MYO15A: variants seen among roughly 807,000 people sequenced by gnomAD.
MYO15A encodes myosin XVA.
In MYO15A, 308 loss-of-function variants were observed where a neutral mutation model predicts 394.6. The observed-to-expected ratio is 0.78, with a 90% CI of 0.71 to 0.86. The LOEUF (loss-of-function observed/expected upper bound fraction) is 0.86, where lower values mean the gene tolerates loss of function less well. Ranked by LOEUF, MYO15A falls within the 40% of genes least tolerant of loss-of-function variation. MYO15A has a pLI of 0.00. For synonymous variants in MYO15A, 1,957 were observed against 2,003.8 expected (o/e 0.98, Z 0.62); for missense variants, 4,606 against 4,799.1 (o/e 0.96, Z 1.19).
At chr17:18,116,361 C>T (rs994938894) in intron 1 of MYO15A, among the ~76,000 whole-genome samples, 1 of 152,244 alleles carries the variant, frequency 6.6e-6, no homozygotes, top group East Asian at 1.9e-4. Context: ...AGGAGCTCAG[C>T]GGGCAGGAGG....
At position 18,118,056 on chromosome 17, in the gene MYO15A, GC is replaced by G. The variant is rs1046254377; in HGVS notation, c.-219-521del. On this transcript the variant is annotated intron_variant, in intron 1 of 65. Coordinates refer to ENST00000647165, the MANE Select transcript of MYO15A (RefSeq NM_016239.4). ...CCTCCATTTCTGCCTCTCTACCCCTGCCCCCGCCCCAACACACACACACACA... is the reference window on the plus strand; with the variant it reads ...CCTCCATTTCTGCCTCTCTACCCCTGCCCCGCCCCAACACACACACACACA... 9.8e-4 allele frequency among the ~76,000 whole-genome samples: 149 copies of G among 151,908 alleles called. 1 individual carries two copies. Among genetic ancestry groups the G allele is most frequent in the African/African-American group, 3.3e-3 (137 of 41,390 alleles).
At position 18,131,450 on chromosome 17, in the gene MYO15A, C is replaced by G; in HGVS notation, c.4143-18C>G. 1.2e-6 allele frequency: 2 copies of G among 1,613,870 alleles called. No homozygotes were observed. The highest frequency in any genetic ancestry group is 1.7e-6 in the Non-Finnish European group (2 of 1,179,930). ...CCCTCCTACCCTCACTGAGAGCTGA[C>G]TGTGCTCCCCACCCCAGGGGCGTGA... is the stretch of plus-strand genomic sequence containing the variant. On this transcript the variant is annotated intron_variant, in intron 9 of 65. Transcript: ENST00000647165.
In MYO15A at chr17:18,120,794, TGCCCCCGCGGCCCCCAAGCTCCGG is replaced by T; in HGVS notation, c.2003_2026del (p.Arg668_Pro675del). 7.5e-7 allele frequency: 1 copy of T among 1,327,938 alleles called. No individual in the cohort carries two copies. Among genetic ancestry groups the T allele is most frequent in the Non-Finnish European group, 9.6e-7 (1 of 1,043,640 alleles). The allele number at this position is 1,327,938 out of a possible 1,614,324, so 82.3% of individuals were successfully genotyped here. A position where few individuals can be genotyped will look rare whatever the true frequency, so the allele number is the denominator to read the frequency against. ...TGGAGCGCGCTCCTGTCTCCGCCCG[TGCCCCCGCGGCCCCCAAGCTCCGG>T]GCCCCCGCCCGCGCCGCCGCTCTCC... On this transcript the variant is annotated inframe_deletion, in exon 2 of 66. Transcript: ENST00000647165.
At position 18,151,891 on chromosome 17, in the gene MYO15A, G is replaced by A. The variant is rs727504816; in HGVS notation, c.7833G>A (p.Glu2611=). 5.1e-6 allele frequency: 8 copies of A among 1,577,746 alleles called. No individual in the cohort carries two copies. Among genetic ancestry groups the A allele is most frequent in the Non-Finnish European group, 6.9e-6 (8 of 1,161,860 alleles). ...TCATGAAGCGGCCAGACCCTCATGA[G>A]GAGGCCCTGATGATCCTGAAAGGGC... ...KVFMKRPDPH[E]EALMILKGQM... Residue 2611 remains glutamate, a synonymous_variant, in exon 41 of 66, where the codon GAG becomes GAA. Coordinates refer to ENST00000647165, the MANE Select transcript of MYO15A (RefSeq NM_016239.4).
At position 18,145,947 on chromosome 17, in the gene MYO15A, G is replaced by T; in HGVS notation, c.6349G>T (p.Gly2117Trp). 1 of 1,613,798 alleles carries T rather than the reference G, an allele frequency of 6.2e-7. No individual in the cohort carries two copies. The highest frequency in any genetic ancestry group is 1.1e-5 in the South Asian group (1 of 91,082). Residue 2117 changes from glycine (G) to tryptophan (W), a missense_variant, in exon 30 of 66, where the codon GGG (glycine) becomes TGG (tryptophan). This residue lies in a region of MYO15A where 2,776 missense variants were observed against 3,109.3 expected (regional missense o/e 0.89). Transcript: ENST00000647165. Reference protein sequence around the residue: ...NIFGNYIVQKGLAVPELRDEI... With the variant: ...NIFGNYIVQKWLAVPELRDEI... ...CTTCGGGAACTACATCGTGCAGAAG[G>T]GGCTGGCGGTGCCTGAGCTGCGGGA...
Position 18,122,062 on chromosome 17 carries a change from G to T in MYO15A, c.3262G>T (p.Ala1088Ser). The T allele has an allele frequency of 6.2e-7, 1 of 1,612,866 alleles. No homozygotes were observed. The highest frequency in any genetic ancestry group is 8.5e-7 in the Non-Finnish European group (1 of 1,179,984). ...CCGCTGGGGAACACTGCCCCAAGCC[G>T]CAGCCCCCTTGGCGCCCATCAGGGC... is the stretch of plus-strand genomic sequence containing the variant. ...WHRWGTLPQA[A>S]APLAPIRAPE... The change falls in exon 2 of 66, where the codon GCA (alanine) becomes TCA (serine). Residue 1088 changes from alanine to serine, a missense_variant. Ala to Ser is a moderately conservative substitution (Grantham distance 99, BLOSUM62 1). Coordinates refer to ENST00000647165, the MANE Select transcript of MYO15A (RefSeq NM_016239.4).
chr17:18,167,304 A>C (rs1161759836), intron 61 of MYO15A, among the ~76,000 whole-genome samples: 1 of 152,142 alleles, frequency 6.6e-6, no homozygotes, highest in East Asian at 1.9e-4. Flanking sequence ...GGCCTGATAG[A>C]TACATGTCCA....
chr17:18,157,977 G>C, intron 51 of MYO15A, 77 bp downstream of exon 51: 1 of 1,434,642 alleles, frequency 7.0e-7, no homozygotes, highest in South Asian at 1.5e-5. Context: ...AGGCGAGTGG[G>C]GATAAGGTGG....
chr17:18,126,534 C>T, intron 5 of MYO15A, 78 bp downstream of exon 5: 1 of 1,383,108 alleles, frequency 7.2e-7, no homozygotes, highest in Non-Finnish European at 1.0e-6. Context: ...ATCCCGGCTG[C>T]ACCTGAGCCA....
intron 48 of MYO15A, 119 bp downstream of exon 48, chr17:18,156,455 A>T: frequency 8.5e-7 from 1 of 1,183,238 alleles, no homozygotes; most frequent in Non-Finnish European, 1.2e-6. Context: ...AGGCCTTTGC[A>T]CTGGCTGTGC....
At chr17:18,151,770 A>G in intron 40 of MYO15A, 76 bp from the exon 41 acceptor site, 2 of 1,395,458 alleles carry the variant, frequency 1.4e-6, no homozygotes, top group Non-Finnish European at 2.0e-6. Flanking sequence ...AGGAGGAGGA[A>G]GTTTCCTACT....
In MYO15A at chr17:18,159,270, C is replaced by G. The variant is rs751932754; in HGVS notation, c.9157-5C>G. On this transcript the variant is annotated splice_region_variant and splice_polypyrimidine_tract_variant and intron_variant, in intron 53 of 65. Coordinates refer to ENST00000647165, the MANE Select transcript of MYO15A (RefSeq NM_016239.4). Reference sequence around the variant, plus strand: ...CCATCATGACACAGCCCTCTTCCCCCACAGACTCCCCTCCAGGAATCCCTC... The same window carrying G: ...CCATCATGACACAGCCCTCTTCCCCGACAGACTCCCCTCCAGGAATCCCTC... 5.6e-6 allele frequency: 9 copies of G among 1,614,040 alleles called. No individual in the cohort carries two copies. The highest frequency in any genetic ancestry group is 2.2e-5 in the East Asian group (1 of 44,902).
At position 18,168,392 on chromosome 17, in the gene MYO15A, C is replaced by T. The variant is rs776176637; in HGVS notation, c.10082+669C>T. On this transcript the variant is annotated intron_variant, in intron 62 of 65. Coordinates refer to ENST00000647165, the MANE Select transcript of MYO15A (RefSeq NM_016239.4). ...CATCCTGGCTAACATGGTGAAACTC[C>T]GTCTCACTAAAACTACAAAAAATTA... 1.2e-4 allele frequency among the ~76,000 whole-genome samples: 18 copies of T among 151,968 alleles called. 1 individual carries two copies. Among genetic ancestry groups the T allele is most frequent in the South Asian group, 4.2e-4 (2 of 4,806 alleles).
Position 18,148,087 on chromosome 17 carries a change from C to T in MYO15A, c.6568C>T (p.Gln2190Ter). ...GGCTGTGTGTCAGCACCGCCTCATG[C>T]AGGCCATGGGCCGGGCCCAACAGCA... Reference protein sequence around the residue: ...FQAVCQHRLMQAMGRAQQQGS... With the variant: ...FQAVCQHRLM The change falls in exon 31 of 66, where the codon CAG becomes TAG. Residue 2190 changes from glutamine to a stop codon, truncating the protein, a stop_gained. Transcript: ENST00000647165. LOFTEE classifies it high-confidence loss of function. The surrounding 1 kb of genome is among the most constrained non-coding windows in gnomAD (Gnocchi z 4.8). The T allele has an allele frequency of 6.2e-7, 1 of 1,613,962 alleles. No individual in the cohort carries two copies. Among genetic ancestry groups the T allele is most frequent in the South Asian group, 1.1e-5 (1 of 91,088 alleles).
chr17:18,146,963 C>T (rs1303889988), intron 30 of MYO15A, among the ~76,000 whole-genome samples: 1 of 152,150 alleles, frequency 6.6e-6, no homozygotes, highest in Non-Finnish European at 1.5e-5. Context: ...ATACCTACTT[C>T]ATAGGCTCTT....
rs1015700174 is a variant in MYO15A, at chr17:18,125,331, C to T, written c.3756+100C>T. 83 of 1,154,982 alleles carry T rather than the reference C, an allele frequency of 7.2e-5. No individual in the cohort carries two copies. In the African/African-American group the frequency reaches 1.2e-3, roughly 17 times the overall value. 71.5% of individuals were successfully genotyped at this position (1,154,982 alleles called of 1,614,324 possible). A position where few individuals can be genotyped will look rare whatever the true frequency, so the allele number is the denominator to read the frequency against. On this transcript the variant is annotated intron_variant, in intron 4 of 65. Transcript: ENST00000647165. ...CAGATTTCTCTTGTGGGCCCTAGCC[C>T]CTGTGGCCTCTGCCTAGAATGCCAG...
At chr17:18,156,148 A>T in intron 47 of MYO15A, 47 bp from the exon 48 acceptor site, 1 of 1,613,280 alleles carries the variant, frequency 6.2e-7, no homozygotes, top group Non-Finnish European at 8.5e-7. Context: ...AGGTGGAAGG[A>T]GGGCATCCCT....
chr17:18,177,074 C>T (rs1324357005), intron 65 of MYO15A: 1 of 152,286 alleles, frequency 6.6e-6, no homozygotes, highest in East Asian at 1.9e-4. Context: ...TGCAGCACCA[C>T]CTGACCTCCT....
rs854772 is a variant in MYO15A at position 18,151,915 on chromosome 17, G to A, written c.7857G>A (p.Gly2619=). 0.58 allele frequency: 910,899 copies of A among 1,569,040 alleles called. 273,422 individuals are homozygous for A. The highest frequency in any genetic ancestry group is 0.65 in the Middle Eastern group (3,883 of 6,004). The change falls in exon 41 of 66, where the codon GGG becomes GGA. Residue 2619 remains glycine, a synonymous_variant. Coordinates refer to ENST00000647165, the MANE Select transcript of MYO15A (RefSeq NM_016239.4). ...PHEEALMILK[G]QMTHLAAAPG... The stretch of plus-strand genomic sequence containing the variant: ...AGGAGGCCCTGATGATCCTGAAAGG[G>A]CAGATGACCCACCTGGCAGCTGCAC...
Sources: gnomAD v4.1 joint callset for allele counts (sites outside exome capture counted in the v4.1 genomes callset) on GRCh38, gnomAD v4.1.1 for gene constraint, gnomAD v4.1.1 regional missense constraint, Gnocchi (gnomAD v3.1) non-coding constraint, MANE v1.5 for transcripts, NCBI Gene and HGNC (gene_info 2026-07-23, HGNC 2026-07-21) for gene names.